Variants in PKHD1 observed in about 807,000 individuals in gnomAD.
The protein encoded by PKHD1 is PKHD1 ciliary IPT domain containing fibrocystin/polyductin.
PKHD1 carries 291 observed loss-of-function variants against 412.0 expected under a neutral mutation model. The ratio of observed to expected loss-of-function variants is 0.71; its 90% CI spans 0.64 to 0.78. The LOEUF is 0.78. Among genes scored for constraint, PKHD1 ranks in the 30% least tolerant of loss-of-function variants. The pLI, the probability that PKHD1 is intolerant of heterozygous loss-of-function variation, is 0.00. For missense variants in PKHD1, 4,825 were observed against 4,950.7 expected (o/e 0.97, Z 0.76); for synonymous variants, 1,777 against 1,821.5 (o/e 0.98, Z 0.62).
Position 52,025,103 on chromosome 6 carries a change from G to A in PKHD1, c.4707C>T (p.Phe1569=), listed in dbSNP as rs1207347634. The A allele has an allele frequency of 1.2e-6, 2 of 1,614,032 alleles. No homozygotes were observed. Among genetic ancestry groups the A allele is most frequent in the Non-Finnish European group, 1.7e-6 (2 of 1,180,016 alleles). ...AATGAAACACTTGGGGCATAATGTA[G>A]AAGTGTCTGGAAACATTACCAGAAC... The part of the protein sequence containing the change: ...YACSGNVSRH[F]YIMPQVFHYF... Residue 1569 remains phenylalanine (F), a synonymous_variant, in exon 32 of 67, where the codon TTC becomes TTT. Transcript: ENST00000371117.
At chr6:51,998,044 G>A (rs1583802108) in intron 35 of PKHD1, among the ~76,000 whole-genome samples, 1 of 152,190 alleles carries the variant, frequency 6.6e-6, no homozygotes, top group African/African-American at 2.4e-5. Context: ...AGTTAAGTCT[G>A]GCTAGATTGC....
Position 51,754,766 on chromosome 6 carries a change from A to T in PKHD1, c.8797+18T>A. 2 of 1,611,858 alleles carry T rather than the reference A, an allele frequency of 1.2e-6. No homozygotes were observed. Among genetic ancestry groups the T allele is most frequent in the African/African-American group, 2.7e-5 (2 of 74,958 alleles). Reference sequence around the variant, plus strand: ...CCTAGCTCATTCACTTACCTTAACCAACAAACCAAAGCCTTACCAATATGC... The same window carrying T: ...CCTAGCTCATTCACTTACCTTAACCTACAAACCAAAGCCTTACCAATATGC... On this transcript the variant is annotated intron_variant, in intron 56 of 66. Transcript: ENST00000371117.
At chr6:51,777,679 G>GAAAAAAAAAAAAAAAAAAAA (rs59379021) in intron 53 of PKHD1, among the ~76,000 whole-genome samples, 1 of 118,796 alleles carries the variant, frequency 8.4e-6, no homozygotes, top group Non-Finnish European at 1.7e-5. Flanking sequence ...GAGTCTTTGG[G>GAAAAAAAAAAAAAAAAAAAA]AAAAAAAAAA....
chr6:51,898,427 T>C (rs1780534038), intron 43 of PKHD1, among the ~76,000 whole-genome samples: 4 of 148,386 alleles, frequency 2.7e-5, no homozygotes, highest in East Asian at 2.0e-4. Flanking sequence ...GGGTACATAA[T>C]GAAATGAAGG....
intron 64 of PKHD1, among the ~76,000 whole-genome samples, chr6:51,636,377 A>G (rs1247186681): frequency 1.3e-5 from 2 of 151,996 alleles, no homozygotes; most frequent in Non-Finnish European, 2.9e-5. Flanking sequence ...ATCTCTACCA[A>G]AAAATAAAAT....
chr6:51,654,062 A>C (rs1771406880), intron 61 of PKHD1, among the ~76,000 whole-genome samples: 1 of 152,150 alleles, frequency 6.6e-6, no homozygotes. Context: ...TTGGTTGCAC[A>C]GGAGTTTTAG....
chr6:52,012,204 CTATTTT>C (rs1799918388), intron 34 of PKHD1, among the ~76,000 whole-genome samples: 1 of 152,178 alleles, frequency 6.6e-6, no homozygotes, highest in Non-Finnish European at 1.5e-5. Flanking sequence ...AATCAAGTAC[CTATTTT>C]GTGGAGGTGT....
chr6:51,638,810 A>AC lies in PKHD1; in HGVS notation c.11506+38_11506+39insG, dbSNP rs1562001788. ...AAGGATTATCTTCTCAAAAAAAAAA[A>AC]AAAAAAACACAGAATAAAAGCACAC... is the stretch of plus-strand genomic sequence containing the variant. On this transcript the variant is annotated intron_variant, in intron 64 of 66. Transcript: ENST00000371117. 3.1e-6 allele frequency: 4 copies of AC among 1,296,658 alleles called. No individual in the cohort carries two copies. The African/African-American group carries it at 6.0e-5, about 19-fold the overall frequency. 80.3% of individuals were successfully genotyped at this position (1,296,658 alleles called of 1,614,324 possible).
intron 63 of PKHD1, among the ~76,000 whole-genome samples, chr6:51,642,344 A>G (rs1362206147): frequency 6.6e-6 from 1 of 152,182 alleles, no homozygotes; most frequent in Non-Finnish European, 1.5e-5. Context: ...TAAGATATGG[A>G]CTATGGGTTA....
At chr6:52,027,629 C>G (rs753822998) in intron 31 of PKHD1, among the ~76,000 whole-genome samples, 200 bp downstream of exon 31, 1 of 151,388 alleles carries the variant, frequency 6.6e-6, no homozygotes, top group South Asian at 2.1e-4. Context: ...CATAAAAATT[C>G]CTTAATTTCC....
chr6:52,058,201 T>C, intron 16 of PKHD1, 122 bp downstream of exon 16: 1 of 873,658 alleles, frequency 1.1e-6, no homozygotes, highest in Non-Finnish European at 1.9e-6. Context: ...AGATATCCTA[T>C]TTCTTTGACA....
chr6:51,664,668 GA>G (rs973733929), intron 60 of PKHD1, among the ~76,000 whole-genome samples: 1 of 152,150 alleles, frequency 6.6e-6, no homozygotes, highest in African/African-American at 2.4e-5. Flanking sequence ...GTTAAAACTA[GA>G]GATCAAATGC....
chr6:52,079,713 G>A (rs1216558829), intron 5 of PKHD1, among the ~76,000 whole-genome samples, 187 bp downstream of exon 5: 2 of 152,138 alleles, frequency 1.3e-5, no homozygotes, highest in African/African-American at 2.4e-5. Flanking sequence ...TTTAGCTAAA[G>A]GCTGACATAC....
intron 52 of PKHD1, among the ~76,000 whole-genome samples, chr6:51,807,654 A>G (rs1012911280): frequency 9.2e-5 from 14 of 151,914 alleles, no homozygotes; most frequent in African/African-American, 3.4e-4. Flanking sequence ...CTGTATAAAT[A>G]CATAAAATAG....
chr6:51,777,634 AC>A (rs1383607726), intron 53 of PKHD1, among the ~76,000 whole-genome samples: 1 of 141,416 alleles, frequency 7.1e-6, no homozygotes, highest in Non-Finnish European at 1.5e-5. Context: ...CTGTTTTCCA[AC>A]TGTGATTTCA....
chr6:51,710,299 A>C (rs1368334780), intron 60 of PKHD1, among the ~76,000 whole-genome samples: 1 of 152,206 alleles, frequency 6.6e-6, no homozygotes, highest in South Asian at 2.1e-4. Context: ...TATGGATATA[A>C]ATATGGATGA....
At chr6:51,647,236 T>A (rs1373963953) in intron 63 of PKHD1, among the ~76,000 whole-genome samples, 3 of 152,210 alleles carry the variant, frequency 2.0e-5, no homozygotes, top group African/African-American at 7.2e-5. Flanking sequence ...GTAGGTTGTA[T>A]TTCAACGGTT....
intron 52 of PKHD1, among the ~76,000 whole-genome samples, chr6:51,794,131 G>C (rs1031015557): frequency 6.7e-6 from 1 of 150,090 alleles, no homozygotes; most frequent in Non-Finnish European, 1.5e-5. Flanking sequence ...CTGCCTCCCG[G>C]GTTCACACCA....
rs765362292 is a variant in PKHD1 at position 51,856,107 on chromosome 6, A to G, written c.7734-37T>C. On this transcript the variant is annotated intron_variant, in intron 48 of 66. Transcript: ENST00000371117. The stretch of plus-strand genomic sequence containing the variant: ...TTAAAAGGAAAAAAAATGGGTTGAG[A>G]GATTATTTGCTCATTCTGAATCCAA... The G allele has an allele frequency of 3.2e-6, 4 of 1,244,656 alleles. No homozygotes were observed. The South Asian group carries it at 4.9e-5, about 15-fold the overall frequency. 77.1% of individuals were successfully genotyped at this position (1,244,656 alleles called of 1,614,324 possible). A position where few individuals can be genotyped will look rare whatever the true frequency, so the allele number is the denominator to read the frequency against.
Sources: allele counts gnomAD v4.1 joint callset (sites outside exome capture counted in the v4.1 genomes callset), GRCh38; gene constraint gnomAD v4.1.1; transcripts MANE v1.5; gene names NCBI Gene and HGNC (gene_info 2026-07-23, HGNC 2026-07-21).